SIPA1L3: variants seen among roughly 807,000 people sequenced by gnomAD.
SIPA1L3 encodes the protein signal induced proliferation associated 1 like 3.
Under a neutral mutation model 150.1 loss-of-function variants are expected in SIPA1L3, and 59 were observed. The observed-to-expected ratio is 0.39, with a 90% CI of 0.32 to 0.49. The LOEUF is 0.49. SIPA1L3 is among the 20% of genes least tolerant of loss of function. The pLI, the probability that SIPA1L3 is intolerant of heterozygous loss-of-function variation, is 0.86. For missense variants in SIPA1L3, 2,211 were observed against 2,489.5 expected (o/e 0.89, Z 2.38); for synonymous variants, 1,070 against 1,077.6 (o/e 0.99, Z 0.14).
At chr19:38,088,313 A>G (rs1970184687) in intron 3 of SIPA1L3, among the ~76,000 whole-genome samples, 1 of 152,280 alleles carries the variant, frequency 6.6e-6, no homozygotes, top group Non-Finnish European at 1.5e-5. Context: ...CACAAGGGCT[A>G]ATCCGCAGTT....
chr19:37,988,707 G>A (rs1599872465), intron 1 of SIPA1L3, among the ~76,000 whole-genome samples: 3 of 152,142 alleles, frequency 2.0e-5, no homozygotes, highest in Admixed American at 2.0e-4. Context: ...ACATAAATAA[G>A]AATTAAAAAG....
intron 1 of SIPA1L3, among the ~76,000 whole-genome samples, chr19:37,966,933 C>T (rs558749130): frequency 3.3e-5 from 5 of 152,198 alleles, no homozygotes; most frequent in South Asian, 2.1e-4. Flanking sequence ...CTGGGGAATT[C>T]GGTGCAGGTG....
At position 38,164,389 on chromosome 19, in the gene SIPA1L3, G is replaced by C; in HGVS notation, c.3781-90G>C. 1 of 1,250,270 alleles carries C rather than the reference G, an allele frequency of 8.0e-7. No homozygotes were observed. Among genetic ancestry groups the C allele is most frequent in the African/African-American group, 1.5e-5 (1 of 66,522 alleles). The allele number at this position is 1,250,270 out of a possible 1,614,324, so 77.4% of individuals were successfully genotyped here. ...AGGATTTGAAGCTGTCTGGTCCCAG[G>C]GTTCAGGCCCAGGCAGAGGGAGGAC... On this transcript the variant is annotated intron_variant, in intron 14 of 21. Transcript: ENST00000222345. This position sits in a 1 kb window ranked among gnomAD's most constrained non-coding sequence, Gnocchi z 4.1.
chr19:38,106,217 C>G (rs1014678058), intron 6 of SIPA1L3: 2 of 297,784 alleles, frequency 6.7e-6, no homozygotes, highest in Non-Finnish European at 1.3e-5. Flanking sequence ...AGCGATTCTC[C>G]TGCCTCAGCC....
chr19:37,968,220 G>T (rs568829976), intron 1 of SIPA1L3, among the ~76,000 whole-genome samples: 2 of 152,066 alleles, frequency 1.3e-5, no homozygotes, highest in Non-Finnish European at 2.9e-5. Flanking sequence ...TTACAGGCAC[G>T]CGCTGCCATG....
chr19:38,046,266 A>G lies in SIPA1L3; in HGVS notation c.-311+17110A>G, dbSNP rs949049285. On this transcript the variant is annotated intron_variant, in intron 2 of 21. Coordinates refer to ENST00000222345, the MANE Select transcript of SIPA1L3 (RefSeq NM_015073.3). The surrounding 1 kb of genome is among the most constrained non-coding windows in gnomAD (Gnocchi z 5.6). ...AGGTCACAGCAGCCCCGCCTCCTCC[A>G]TAGACCTCCAGGCCTCTCAAAAGGG... 1.3e-5 allele frequency among the ~76,000 whole-genome samples: 2 copies of G among 152,082 alleles called. No homozygotes were observed. The highest frequency in any genetic ancestry group is 2.9e-5 in the Non-Finnish European group (2 of 68,002).
chr19:38,101,930 AC>A (rs1208927319), intron 6 of SIPA1L3, among the ~76,000 whole-genome samples: 1 of 152,240 alleles, frequency 6.6e-6, no homozygotes, highest in Admixed American at 6.5e-5. Context: ...AACTGGCACC[AC>A]AGGCATCAGC....
At chr19:37,937,001 T>A (rs1230629250) in intron 1 of SIPA1L3, among the ~76,000 whole-genome samples, 1 of 152,178 alleles carries the variant, frequency 6.6e-6, no homozygotes. Flanking sequence ...ACTGTGACAC[T>A]TAGGCTGGAA....
intron 1 of SIPA1L3, among the ~76,000 whole-genome samples, chr19:37,971,368 A>G (rs1966930603): frequency 6.6e-6 from 1 of 152,056 alleles, no homozygotes; most frequent in Admixed American, 6.6e-5. Flanking sequence ...GAACATGATC[A>G]CCACCTCAAA....
chr19:38,195,190 C>T (rs1972895100), intron 18 of SIPA1L3, among the ~76,000 whole-genome samples: 1 of 152,244 alleles, frequency 6.6e-6, no homozygotes, highest in South Asian at 2.1e-4. Context: ...ACCAGACCCT[C>T]CCTGCTCAGG....
intron 18 of SIPA1L3, among the ~76,000 whole-genome samples, chr19:38,195,653 A>G (rs1972905056): frequency 6.6e-6 from 1 of 152,136 alleles, no homozygotes; most frequent in Non-Finnish European, 1.5e-5. Flanking sequence ...GACAGAGAAC[A>G]CAGGCATAGA....
At chr19:38,083,178 C>T in intron 3 of SIPA1L3, 79 bp downstream of exon 3, 1 of 1,341,372 alleles carries the variant, frequency 7.5e-7, no homozygotes, top group South Asian at 1.3e-5. Flanking sequence ...TTCATTCACT[C>T]TGTGCCAGGC....
rs141406310 is a variant in SIPA1L3 at position 37,919,803 on chromosome 19, C to T, written c.-379+12445C>T. The stretch of plus-strand genomic sequence containing the variant: ...TCAGCTCACCGCAACCTCTGCCTCC[C>T]GGGTTCAAGCAATTCTCCTGCCTCA... On this transcript the variant is annotated intron_variant, in intron 1 of 21. Transcript: ENST00000222345. Among the ~76,000 whole-genome samples the T allele has an allele frequency of 1.7e-3, 261 of 150,698 alleles. 1 individual carries two copies. In the East Asian group the frequency reaches 0.02, roughly 12 times the overall value.
At chr19:38,087,229 C>T (rs1970153717) in intron 3 of SIPA1L3, among the ~76,000 whole-genome samples, 2 of 152,128 alleles carry the variant, frequency 1.3e-5, no homozygotes, top group South Asian at 4.1e-4. Flanking sequence ...TGCTAGGATT[C>T]GCAAGGAGCT....
intron 15 of SIPA1L3, among the ~76,000 whole-genome samples, chr19:38,172,158 G>A (rs1482420334): frequency 1.3e-5 from 2 of 152,216 alleles, no homozygotes; most frequent in African/African-American, 4.8e-5. Flanking sequence ...AACTGTGGAT[G>A]TGGCAGCAGG....
intron 2 of SIPA1L3, among the ~76,000 whole-genome samples, chr19:38,056,161 G>C (rs550137866): frequency 3.9e-5 from 6 of 152,200 alleles, no homozygotes; most frequent in Non-Finnish European, 7.3e-5. Context: ...TTGATCTGAG[G>C]AGCAGTCAGA....
chr19:38,133,280 C>G (rs1424881947), intron 10 of SIPA1L3, among the ~76,000 whole-genome samples: 1 of 152,252 alleles, frequency 6.6e-6, no homozygotes, highest in Non-Finnish European at 1.5e-5. Flanking sequence ...CCAGCAGCCA[C>G]TGCTAGGCCC....
At chr19:38,088,203 C>T (rs1373027693) in intron 3 of SIPA1L3, among the ~76,000 whole-genome samples, 2 of 152,210 alleles carry the variant, frequency 1.3e-5, no homozygotes, top group East Asian at 1.9e-4. Context: ...TTTAACTTTA[C>T]GGCTGAAAAT....
chr19:37,993,423 C>G (rs1967560715), intron 1 of SIPA1L3, among the ~76,000 whole-genome samples: 1 of 152,184 alleles, frequency 6.6e-6, no homozygotes, highest in Non-Finnish European at 1.5e-5. Flanking sequence ...CCTCCGCCTC[C>G]TGGGTTCAAG....
Sources: gnomAD v4.1 joint callset for allele counts (sites outside exome capture counted in the v4.1 genomes callset) on GRCh38, gnomAD v4.1.1 for gene constraint, Gnocchi (gnomAD v3.1) non-coding constraint, MANE v1.5 for transcripts, NCBI Gene and HGNC (gene_info 2026-07-23, HGNC 2026-07-21) for gene names.